The following ANKRD36C variants were observed in gnomAD, a reference collection of about 807,000 sequenced individuals.
ANKRD36C encodes ankyrin repeat domain 36C.
In ANKRD36C, 61 loss-of-function variants were observed where a neutral mutation model predicts 276.4. That is an observed-to-expected ratio of 0.22 (90% CI 0.18 to 0.27). The LOEUF (loss-of-function observed/expected upper bound fraction) is 0.27. Ranked by LOEUF, ANKRD36C falls within the 10% of genes least tolerant of loss-of-function variation. The pLI is 1.00. For missense variants in ANKRD36C, 1,447 were observed against 2,032.3 expected, an observed-to-expected ratio of 0.71 and a Z score of 5.54; for synonymous variants, 483 against 680.1, an observed-to-expected ratio of 0.71 and a Z score of 4.51.
At chr2:95,929,393 T>A in intron 24 of ANKRD36C, 126 bp from the exon 25 acceptor site, 1 of 661,206 alleles carries the variant, frequency 1.5e-6, no homozygotes, top group Non-Finnish European at 2.5e-6. Flanking sequence ...TAGGCTTTGA[T>A]ATTTTATACT....
intron 60 of ANKRD36C, among the ~76,000 whole-genome samples, chr2:95,863,904 C>A (rs898542818): frequency 2.9e-4 from 44 of 152,046 alleles, no homozygotes; most frequent in Non-Finnish European, 4.9e-4. Context: ...GGATACACAT[C>A]ATTGTACATT....
intron 10 of ANKRD36C, among the ~76,000 whole-genome samples, chr2:95,959,311 G>A (rs1487995976): frequency 2.0e-5 from 3 of 151,934 alleles, no homozygotes; most frequent in Admixed American, 6.6e-5. Flanking sequence ...GTTCTGAATT[G>A]ATCAGCTTAA....
intron 6 of ANKRD36C, among the ~76,000 whole-genome samples, chr2:95,972,449 G>T (rs549387322): frequency 2.0e-5 from 3 of 152,136 alleles, no homozygotes; most frequent in Non-Finnish European, 2.9e-5. Context: ...ACAGGAGAGG[G>T]CTCCCGGAAG....
chr2:95,854,453 C>G (rs1312244419), intron 63 of ANKRD36C, among the ~76,000 whole-genome samples: 2 of 152,112 alleles, frequency 1.3e-5, no homozygotes, highest in Non-Finnish European at 2.9e-5. Context: ...CCTCCTTAGT[C>G]TGAGAATGGG....
intron 44 of ANKRD36C, among the ~76,000 whole-genome samples, 173 bp downstream of exon 60, chr2:95,897,097 A>C (rs2104369334): frequency 6.6e-6 from 1 of 150,492 alleles, no homozygotes. Context: ...GGCGAAGATC[A>C]CGTTCCAGAC....
intron 50 of ANKRD36C, among the ~76,000 whole-genome samples, chr2:95,886,901 C>T (rs1197803585): frequency 6.6e-6 from 1 of 151,654 alleles, no homozygotes; most frequent in East Asian, 1.9e-4. Context: ...CCACTCGTGG[C>T]AACAAAGTAT....
At chr2:95,973,782 C>T (rs1253361164) in intron 6 of ANKRD36C, among the ~76,000 whole-genome samples, 4 of 152,128 alleles carry the variant, frequency 2.6e-5, no homozygotes, top group Non-Finnish European at 2.9e-5. Flanking sequence ...TGGCTCGTAA[C>T]TATAATTCCA....
chr2:95,873,953 T>C (rs1675877171), intron 59 of ANKRD36C, among the ~76,000 whole-genome samples: 2 of 152,078 alleles, frequency 1.3e-5, no homozygotes, highest in African/African-American at 4.8e-5. Context: ...ATAAAATACC[T>C]AGGAATCCAA....
chr2:95,959,502 G>A lies in ANKRD36C; in HGVS notation c.1004-717C>T, dbSNP rs1187063211. 8.5e-5 allele frequency among the ~76,000 whole-genome samples: 13 copies of A among 152,126 alleles called. No homozygotes were observed. In the East Asian group the frequency reaches 1.9e-3, roughly 23 times the overall value. Reference sequence around the variant, plus strand: ...AAAAGTATAATAAACCATCAAATTTGGCATACTTATACAAAATAAAGTTAC... The same window carrying A: ...AAAAGTATAATAAACCATCAAATTTAGCATACTTATACAAAATAAAGTTAC... On this transcript the variant is annotated intron_variant, in intron 10 of 66. Coordinates refer to ENST00000456556, the Ensembl canonical transcript of ANKRD36C.
intron 32 of ANKRD36C, 62 bp from the exon 33 acceptor site, chr2:95,921,872 C>A (rs1307688483): frequency 2.6e-6 from 4 of 1,512,284 alleles, no homozygotes; most frequent in Admixed American, 2.0e-5. Context: ...TACATTCATG[C>A]GGTGTTAGCA....
intron 42 of ANKRD36C, among the ~76,000 whole-genome samples, chr2:95,911,038 G>A (rs184309725): frequency 1.3e-5 from 2 of 151,550 alleles, no homozygotes; most frequent in African/African-American, 4.8e-5. Flanking sequence ...CAATTGCGAC[G>A]ATACTTCAGT....
At chr2:95,867,262 T>C (rs1558620823) in intron 60 of ANKRD36C, among the ~76,000 whole-genome samples, 178 bp downstream of exon 80, 2 of 152,222 alleles carry the variant, frequency 1.3e-5, no homozygotes, top group East Asian at 3.8e-4. Flanking sequence ...GAAATGATCA[T>C]AGCCCTTGGC....
intron 48 of ANKRD36C, among the ~76,000 whole-genome samples, chr2:95,888,840 A>G (rs1676265805): frequency 6.6e-6 from 1 of 151,680 alleles, no homozygotes; most frequent in Non-Finnish European, 1.5e-5. Flanking sequence ...ACATACTTCT[A>G]CAATGTAAAA....
chr2:95,923,800 G>A, intron 30 of ANKRD36C, 111 bp from the exon 31 acceptor site: 1 of 1,473,084 alleles, frequency 6.8e-7, no homozygotes, highest in Non-Finnish European at 9.2e-7. Context: ...ATTAGTATAG[G>A]CTTTGATTTT....
chr2:95,972,320 T>C (rs985453032), intron 6 of ANKRD36C, among the ~76,000 whole-genome samples: 11 of 152,208 alleles, frequency 7.2e-5, no homozygotes, highest in Admixed American at 1.3e-4. Context: ...ATGTAACTAG[T>C]TTCCATAAGA....
chr2:95,859,232 C>G (rs565583447), intron 61 of ANKRD36C, among the ~76,000 whole-genome samples: 8 of 152,172 alleles, frequency 5.3e-5, no homozygotes, highest in Admixed American at 4.6e-4. Flanking sequence ...TAGCATTTCA[C>G]TATGTTGGGC....
chr2:95,914,228 T>C (rs777172430), intron 39 of ANKRD36C, 47 bp downstream of exon 41: 16 of 1,560,048 alleles, frequency 1.0e-5, no homozygotes, highest in Middle Eastern at 1.7e-4. Context: ...GTATGTTTCA[T>C]AGACTATGCA....
chr2:95,982,077 C>T (rs1678934526), intron 4 of ANKRD36C, among the ~76,000 whole-genome samples, 179 bp downstream of exon 4: 1 of 152,120 alleles, frequency 6.6e-6, no homozygotes. Flanking sequence ...CTTTATGTTA[C>T]TCAGTCCAAA....
intron 54 of ANKRD36C, among the ~76,000 whole-genome samples, chr2:95,883,634 T>C (rs1227920451): frequency 2.6e-5 from 4 of 152,036 alleles, no homozygotes; most frequent in Non-Finnish European, 5.9e-5. Flanking sequence ...TGAATATGCA[T>C]CTGAACTCAC....
Sources: gnomAD v4.1 joint callset for allele counts (sites outside exome capture counted in the v4.1 genomes callset) on GRCh38, gnomAD v4.1.1 for gene constraint, MANE v1.5 for transcripts, NCBI Gene and HGNC (gene_info 2026-07-23, HGNC 2026-07-21) for gene names.